TRUB1: variants seen among roughly 807,000 people sequenced by gnomAD.
TRUB1 encodes the protein TruB pseudouridine synthase family member 1.
In TRUB1, 23 loss-of-function variants were observed where a neutral mutation model predicts 33.9. The ratio of observed to expected loss-of-function variants is 0.68; its 90% confidence interval spans 0.49 to 0.96. TRUB1 has a LOEUF of 0.96. Among genes scored for constraint, TRUB1 ranks in the 40% least tolerant of loss-of-function variants. The pLI, the probability that TRUB1 is intolerant of heterozygous loss-of-function variation, is 0.00. For synonymous variants in TRUB1, 163 were observed against 165.4 expected, an observed-to-expected ratio of 0.99 and a Z score of 0.11; for missense variants, 378 against 422.2, an observed-to-expected ratio of 0.90 and a Z score of 0.92.
intron 4 of TRUB1, among the ~76,000 whole-genome samples, chr10:114,962,372 A>G (rs73372660): frequency 0.015 from 2,246 of 152,358 alleles, 67 homozygotes; most frequent in African/African-American, 0.052. Context: ...ACAAAGGGAA[A>G]GGCCCTGTTA....
intron 3 of TRUB1, among the ~76,000 whole-genome samples, chr10:114,957,176 ACT>A (rs751302947): frequency 2.0e-5 from 3 of 152,172 alleles, no homozygotes; most frequent in East Asian, 1.9e-4. Flanking sequence ...GCAATGGGAA[ACT>A]CTAGCTGAGA....
intron 1 of TRUB1, among the ~76,000 whole-genome samples, chr10:114,939,282 A>G (rs1247725660): frequency 6.6e-6 from 1 of 152,234 alleles, no homozygotes; most frequent in Non-Finnish European, 1.5e-5. Flanking sequence ...CACATAAAGC[A>G]TCCAGGATCC....
At chr10:114,967,115 T>C (rs2084311892) in intron 4 of TRUB1, among the ~76,000 whole-genome samples, 1 of 152,130 alleles carries the variant, frequency 6.6e-6, no homozygotes, top group Admixed American at 6.5e-5. Context: ...TCATAGACAT[T>C]TCTTTGTCTG....
At chr10:114,968,270 GTGA>G (rs2084319472) in intron 4 of TRUB1, among the ~76,000 whole-genome samples, 1 of 152,194 alleles carries the variant, frequency 6.6e-6, no homozygotes, top group Non-Finnish European at 1.5e-5. Context: ...CATCTTGTGT[GTGA>G]TGATATCAGC....
At chr10:114,956,931 A>AT (rs2084264072) in intron 3 of TRUB1, among the ~76,000 whole-genome samples, 1 of 152,154 alleles carries the variant, frequency 6.6e-6, no homozygotes, top group Non-Finnish European at 1.5e-5. Context: ...TGATTTGAGA[A>AT]TGTTGATTTA....
intron 1 of TRUB1, among the ~76,000 whole-genome samples, chr10:114,940,754 G>T (rs1018716005): frequency 2.6e-5 from 4 of 152,172 alleles, no homozygotes; most frequent in Non-Finnish European, 5.9e-5. Flanking sequence ...ACTCCAAGGG[G>T]TGTCAAGTTG....
At chr10:114,952,982 A>G (rs1396988038) in intron 3 of TRUB1, among the ~76,000 whole-genome samples, 3 of 152,228 alleles carry the variant, frequency 2.0e-5, no homozygotes, top group African/African-American at 7.2e-5. Context: ...AATAATAAAA[A>G]AGATATATTT....
At chr10:114,958,759 T>G (rs1158449102) in intron 3 of TRUB1, among the ~76,000 whole-genome samples, 1 of 152,248 alleles carries the variant, frequency 6.6e-6, no homozygotes, top group Admixed American at 6.5e-5. Flanking sequence ...ATGATCTAAT[T>G]CTTCACTTGT....
intron 3 of TRUB1, among the ~76,000 whole-genome samples, chr10:114,955,163 A>G: frequency 6.6e-6 from 1 of 152,202 alleles, no homozygotes; most frequent in East Asian, 1.9e-4. Context: ...GGTTAGGCTG[A>G]TGTGTTCCTT....
chr10:114,968,515 G>A (rs925093345), intron 4 of TRUB1, among the ~76,000 whole-genome samples: 8 of 152,014 alleles, frequency 5.3e-5, no homozygotes, highest in East Asian at 1.9e-4. Flanking sequence ...CTAAGGTGCC[G>A]CTAGTAATAA....
At chr10:114,971,387 G>A (rs1354058214) in intron 5 of TRUB1, among the ~76,000 whole-genome samples, 1 of 151,978 alleles carries the variant, frequency 6.6e-6, no homozygotes, top group Non-Finnish European at 1.5e-5. Flanking sequence ...GATATGTCAG[G>A]GTAAGTTTCT....
At chr10:114,938,587 G>A (rs1564696144) in intron 1 of TRUB1, 48 bp downstream of exon 1, 1 of 1,487,768 alleles carries the variant, frequency 6.7e-7, no homozygotes. Flanking sequence ...GCTGCGAGAG[G>A]GGAAGCACAT....
intron 4 of TRUB1, among the ~76,000 whole-genome samples, chr10:114,960,835 A>G (rs776005929): frequency 5.9e-5 from 9 of 152,174 alleles, no homozygotes; most frequent in Admixed American, 2.6e-4. Context: ...GCATAGGGCA[A>G]TAGGAGGACG....
intron 3 of TRUB1, among the ~76,000 whole-genome samples, chr10:114,957,218 A>G (rs1292074705): frequency 6.6e-6 from 1 of 152,236 alleles, no homozygotes; most frequent in Non-Finnish European, 1.5e-5. Context: ...AAGGATCAAT[A>G]AAGTATACTT....
At chr10:114,964,863 T>C (rs2084300160) in intron 4 of TRUB1, among the ~76,000 whole-genome samples, 1 of 152,124 alleles carries the variant, frequency 6.6e-6, no homozygotes, top group Non-Finnish European at 1.5e-5. Flanking sequence ...GCTGTAGTTT[T>C]AGACTATCTG....
At chr10:114,950,182 G>A (rs1005750889) in intron 2 of TRUB1, among the ~76,000 whole-genome samples, 2 of 152,190 alleles carry the variant, frequency 1.3e-5, no homozygotes, top group African/African-American at 4.8e-5. Context: ...ACAGGCGTGA[G>A]CCAACACACC....
intron 3 of TRUB1, among the ~76,000 whole-genome samples, chr10:114,958,018 A>T (rs1401626451): frequency 1.3e-5 from 2 of 152,202 alleles, no homozygotes; most frequent in South Asian, 4.1e-4. Context: ...CCAGGGCTAG[A>T]TATTGTTACT....
At chr10:114,945,584 C>G (rs2084207722) in intron 2 of TRUB1, among the ~76,000 whole-genome samples, 1 of 152,206 alleles carries the variant, frequency 6.6e-6, no homozygotes, top group Non-Finnish European at 1.5e-5. Context: ...CTTGTCCAAC[C>G]TTTGGCCTGT....
chr10:114,952,302 G>A (rs1214239904), intron 3 of TRUB1, among the ~76,000 whole-genome samples: 1 of 152,184 alleles, frequency 6.6e-6, no homozygotes. Context: ...GTATCCAGGC[G>A]TGGTGCTATA....
Sources: gnomAD v4.1 joint callset for allele counts (sites outside exome capture counted in the v4.1 genomes callset) on GRCh38, gnomAD v4.1.1 for gene constraint, MANE v1.5 for transcripts, NCBI Gene and HGNC (gene_info 2026-07-23, HGNC 2026-07-21) for gene names.